SNTG1: variants seen among roughly 807,000 people sequenced by gnomAD.
SNTG1 encodes gamma-1-syntrophin.
SNTG1 carries 39 observed loss-of-function variants against 74.7 expected under a neutral mutation model. The ratio of observed to expected loss-of-function variants is 0.52; its 90% CI spans 0.40 to 0.68. SNTG1 has a LOEUF of 0.68. SNTG1 is among the 30% of genes least tolerant of loss of function. The pLI, the probability that SNTG1 is intolerant of heterozygous loss-of-function variation, is 0.00. For synonymous variants in SNTG1, 254 were observed against 217.1 expected, an observed-to-expected ratio of 1.17 and a Z score of -1.49; for missense variants, 685 against 609.5, an observed-to-expected ratio of 1.12 and a Z score of -1.30.
Position 50,438,553 on chromosome 8 carries a change from T to C in SNTG1, c.173T>C (p.Val58Ala), listed in dbSNP as rs1168954346. ...AATCCTGTCTTTCAGGAAAGAACGG[T>C]GACCATCAGAAGACAAACAGTAGGA... Reference protein sequence around the residue: ...GEPFYSGERTVTIRRQTVGGF... With the variant: ...GEPFYSGERTATIRRQTVGGF... The change falls in exon 5 of 19, where the codon GTG (valine) becomes GCG (alanine). Residue 58 changes from valine (V) to alanine (A), a missense_variant. Val to Ala is a moderately conservative substitution (Grantham distance 64). Coordinates refer to ENST00000642720, the MANE Select transcript of SNTG1 (RefSeq NM_018967.5). 6.2e-7 allele frequency: 1 copy of C among 1,613,118 alleles called. No homozygotes were observed. Among genetic ancestry groups the C allele is most frequent in the East Asian group, 2.2e-5 (1 of 44,772 alleles).
chr8:49,938,566 T>TCTTTA (rs1808313858), intron 1 of SNTG1, among the ~76,000 whole-genome samples: 1 of 29,106 alleles, frequency 3.4e-5, no homozygotes, highest in African/African-American at 9.9e-5. Flanking sequence ...TGTTTTCTTT[T>TCTTTA]CTTTTCTTTT....
chr8:50,684,542 A>G (rs1047428967), intron 15 of SNTG1, among the ~76,000 whole-genome samples: 4 of 152,146 alleles, frequency 2.6e-5, no homozygotes, highest in African/African-American at 4.8e-5. Context: ...CAAAAAAATA[A>G]TGAAAACTGA....
At chr8:50,139,853 A>G (rs2081598392) in intron 1 of SNTG1, among the ~76,000 whole-genome samples, 1 of 152,246 alleles carries the variant, frequency 6.6e-6, no homozygotes, top group African/African-American at 2.4e-5. Context: ...GGAGATGAGA[A>G]CATTTGCAGA....
chr8:50,690,524 G>T (rs562200964), intron 15 of SNTG1, among the ~76,000 whole-genome samples: 1 of 152,280 alleles, frequency 6.6e-6, no homozygotes, highest in South Asian at 2.1e-4. Flanking sequence ...TCATTCAGGA[G>T]CAGGTTGTTC....
chr8:50,504,343 G>A (rs878862999), intron 9 of SNTG1, among the ~76,000 whole-genome samples: 5 of 152,134 alleles, frequency 3.3e-5, no homozygotes, highest in African/African-American at 1.2e-4. Flanking sequence ...TGATTTATAT[G>A]TATTGGGTAT....
chr8:50,615,593 C>G (rs1238708157), intron 13 of SNTG1, among the ~76,000 whole-genome samples: 1 of 152,168 alleles, frequency 6.6e-6, no homozygotes, highest in Non-Finnish European at 1.5e-5. Context: ...TCTACAAAAG[C>G]TTCCAGTCAC....
Position 50,752,128 on chromosome 8 carries a change from C to G in SNTG1, c.1395+17C>G. 1 of 1,383,760 alleles carries G rather than the reference C, an allele frequency of 7.2e-7. No individual in the cohort carries two copies. The highest frequency in any genetic ancestry group is 9.8e-7 in the Non-Finnish European group (1 of 1,020,774). The allele number at this position is 1,383,760 out of a possible 1,614,324, so 85.7% of individuals were successfully genotyped here. A position where few individuals can be genotyped will look rare whatever the true frequency, so the allele number is the denominator to read the frequency against. On this transcript the variant is annotated intron_variant, in intron 18 of 18. Transcript: ENST00000642720. ...GAAGCAAAGGTAAACCCAAGAAATT[C>G]ATCACATAACACCTCTAACTACATT...
intron 1 of SNTG1, among the ~76,000 whole-genome samples, chr8:50,136,814 G>A (rs538819895): frequency 1.3e-5 from 2 of 152,252 alleles, no homozygotes; most frequent in African/African-American, 4.8e-5. Flanking sequence ...AACTCACAGG[G>A]ACTCTGACAG....
At chr8:50,033,791 A>G (rs139036766) in intron 1 of SNTG1, among the ~76,000 whole-genome samples, 103 of 152,258 alleles carry the variant, frequency 6.8e-4, no homozygotes, top group African/African-American at 2.4e-3. Flanking sequence ...TAATGGCCCC[A>G]TCTTCAATAC....
intron 1 of SNTG1, among the ~76,000 whole-genome samples, chr8:50,052,544 C>T (rs984272976): frequency 2.0e-5 from 3 of 151,908 alleles, no homozygotes; most frequent in Non-Finnish European, 2.9e-5. Flanking sequence ...CCAACAAAAT[C>T]ACAAGGAAAA....
rs565453823 is a variant in SNTG1 at position 50,256,363 on chromosome 8, T to C, written c.-28+83728T>C. On this transcript the variant is annotated intron_variant, in intron 2 of 18. Transcript: ENST00000642720. The stretch of plus-strand genomic sequence containing the variant: ...TATACTAAACTAATCTACAATAAAA[T>C]GTTTAAAATTTTAACATTTTGATTT... Among the ~76,000 whole-genome samples, 16 of 152,028 alleles carry C rather than the reference T, an allele frequency of 1.1e-4. 1 individual carries two copies. Among genetic ancestry groups the C allele is most frequent in the African/African-American group, 3.9e-4 (16 of 41,542 alleles).
chr8:50,590,354 C>T (rs904149864), intron 12 of SNTG1, among the ~76,000 whole-genome samples: 13 of 152,078 alleles, frequency 8.5e-5, no homozygotes, highest in Non-Finnish European at 1.5e-4. Flanking sequence ...GAAATGCTTT[C>T]TCTGGAGACC....
At chr8:50,572,634 G>A (rs2094555650) in intron 12 of SNTG1, among the ~76,000 whole-genome samples, 1 of 152,040 alleles carries the variant, frequency 6.6e-6, no homozygotes, top group African/African-American at 2.4e-5. Context: ...GGCATAAAAG[G>A]AAAAATATGA....
rs1177855221 is a variant in SNTG1, at chr8:49,990,610, A to G, written c.-103+78379A>G. 2.6e-5 allele frequency among the ~76,000 whole-genome samples: 4 copies of G among 152,128 alleles called. No homozygotes were observed. The East Asian group carries it at 7.7e-4, about 29-fold the overall frequency. ...TGGTGTAATATTGGCGTAATGATAGACATAGAGGTTAATGGAATAGACTTG... is the reference window on the plus strand; with the variant it reads ...TGGTGTAATATTGGCGTAATGATAGGCATAGAGGTTAATGGAATAGACTTG... On this transcript the variant is annotated intron_variant, in intron 1 of 18. Coordinates refer to ENST00000642720, the MANE Select transcript of SNTG1 (RefSeq NM_018967.5).
rs558343231 is a variant in SNTG1, at chr8:50,407,398, G to T, written c.162+5054G>T. Among the ~76,000 whole-genome samples, 8 of 152,260 alleles carry T rather than the reference G, an allele frequency of 5.3e-5. No individual in the cohort carries two copies. The South Asian group carries it at 1.7e-3, about 32-fold the overall frequency. On this transcript the variant is annotated intron_variant, in intron 4 of 18. Transcript: ENST00000642720. ...TGGGTGGAAAATAGAACAGTCAGGG[G>T]CAGGGGACTGAAAACAAGATTGCTA...
intron 15 of SNTG1, among the ~76,000 whole-genome samples, chr8:50,675,853 G>A (rs1335555071): frequency 6.6e-6 from 1 of 152,012 alleles, no homozygotes; most frequent in Non-Finnish European, 1.5e-5. Flanking sequence ...GGCAGGCCTG[G>A]TGGTAACGAA....
At chr8:50,591,437 A>C (rs77821397) in intron 13 of SNTG1, among the ~76,000 whole-genome samples, 1 of 152,322 alleles carries the variant, frequency 6.6e-6, no homozygotes, top group East Asian at 1.9e-4. Context: ...AATGATACAT[A>C]AATTACAAAT....
At chr8:50,323,256 T>C (rs2090602833) in intron 2 of SNTG1, among the ~76,000 whole-genome samples, 1 of 152,196 alleles carries the variant, frequency 6.6e-6, no homozygotes, top group Non-Finnish European at 1.5e-5. Context: ...CTGTGTTTTG[T>C]TGAATTTCCT....
intron 2 of SNTG1, among the ~76,000 whole-genome samples, chr8:50,304,441 T>C (rs1307661136): frequency 3.3e-5 from 5 of 152,164 alleles, no homozygotes; most frequent in African/African-American, 9.7e-5. Flanking sequence ...GAATTAATAA[T>C]TTTTTGGATT....
Sources: gnomAD v4.1 joint callset for allele counts (sites outside exome capture counted in the v4.1 genomes callset) on GRCh38, gnomAD v4.1.1 for gene constraint, MANE v1.5 for transcripts, NCBI Gene and HGNC (gene_info 2026-07-23, HGNC 2026-07-21) for gene names.